Variants in TTC39B observed in about 807,000 individuals in gnomAD.
The protein encoded by TTC39B is tetratricopeptide repeat domain 39B.
Under a neutral mutation model 96.6 loss-of-function variants are expected in TTC39B, and 92 were observed. The ratio of observed to expected loss-of-function variants is 0.95; its 90% CI spans 0.80 to 1.13. TTC39B has a LOEUF of 1.13. Among genes scored for constraint, TTC39B ranks in the 50% most tolerant of loss-of-function variants. TTC39B has a pLI of 0.00. For synonymous variants in TTC39B, 367 were observed against 299.4 expected, an observed-to-expected ratio of 1.23 and a Z score of -2.33; for missense variants, 955 against 809.3, an observed-to-expected ratio of 1.18 and a Z score of -2.18.
chr9:15,265,564 T>C (rs1006897720), intron 2 of TTC39B, among the ~76,000 whole-genome samples: 1 of 152,200 alleles, frequency 6.6e-6, no homozygotes, highest in African/African-American at 2.4e-5. Context: ...GATTTCTGAA[T>C]GGCGATCACT....
chr9:15,182,524 G>A, intron 16 of TTC39B, 109 bp from the exon 17 acceptor site: 2 of 654,376 alleles, frequency 3.1e-6, no homozygotes, highest in Admixed American at 3.3e-5. Context: ...GGAACCTCAG[G>A]ACAATATTTA....
intron 8 of TTC39B, among the ~76,000 whole-genome samples, chr9:15,195,177 G>A (rs111872906): frequency 0.011 from 1,678 of 152,248 alleles, 32 homozygotes; most frequent in African/African-American, 0.038. Flanking sequence ...AAACAGCCCT[G>A]TTGCTGATAT....
intron 1 of TTC39B, among the ~76,000 whole-genome samples, chr9:15,278,032 C>G (rs1823612279): frequency 6.6e-6 from 1 of 152,148 alleles, no homozygotes; most frequent in South Asian, 2.1e-4. Context: ...TATAGCATTG[C>G]TTTAGTTTCT....
At chr9:15,200,002 G>T in intron 7 of TTC39B, 77 bp from the exon 8 acceptor site, 4 of 764,784 alleles carry the variant, frequency 5.2e-6, no homozygotes, top group Non-Finnish European at 8.2e-6. Context: ...GTGTTTGTGT[G>T]ATTAGAAAAA....
chr9:15,188,254 AATATGATG>A, intron 13 of TTC39B, 122 bp from the exon 14 acceptor site: 1 of 917,112 alleles, frequency 1.1e-6, no homozygotes, highest in Non-Finnish European at 1.6e-6. Context: ...TAAACCTCTC[AATATGATG>A]ATATGTTCTT....
chr9:15,207,169 C>T (rs991832893), intron 6 of TTC39B, among the ~76,000 whole-genome samples: 5 of 152,158 alleles, frequency 3.3e-5, no homozygotes, highest in African/African-American at 1.2e-4. Flanking sequence ...TTATAAATTA[C>T]CCAGTCCTGG....
At chr9:15,180,286 T>C (rs948324795) in intron 17 of TTC39B, among the ~76,000 whole-genome samples, 2 of 152,240 alleles carry the variant, frequency 1.3e-5, no homozygotes, top group African/African-American at 4.8e-5. Context: ...AGTATCACTT[T>C]CCCTTTTACA....
At chr9:15,208,185 T>C (rs1199582434) in intron 6 of TTC39B, among the ~76,000 whole-genome samples, 2 of 151,380 alleles carry the variant, frequency 1.3e-5, no homozygotes, top group African/African-American at 4.9e-5. Flanking sequence ...CCACCATGCC[T>C]GGCTAATTTT....
chr9:15,189,978 A>C (rs1350494002), intron 11 of TTC39B, among the ~76,000 whole-genome samples, 186 bp from the exon 12 acceptor site: 1 of 152,242 alleles, frequency 6.6e-6, no homozygotes, highest in Non-Finnish European at 1.5e-5. Context: ...AGTTTAAGAA[A>C]GCTCTAGGAC....
At position 15,245,759 on chromosome 9, in the gene TTC39B, C is replaced by T. The variant is rs185739150; in HGVS notation, c.276-19747G>A. Among the ~76,000 whole-genome samples the T allele has an allele frequency of 3.2e-3, 480 of 152,220 alleles. 4 individuals carry two copies. Among genetic ancestry groups the T allele is most frequent in the African/African-American group, 0.011 (444 of 41,544 alleles). ...TAACCCATTAATCTAAAATGATCAC[C>T]GAAGAAATCCATCCATACCACTTGG... On this transcript the variant is annotated intron_variant, in intron 2 of 19. Transcript: ENST00000512701.
At chr9:15,169,697 G>C (rs1817592545) in exon 20 of TTC39B, 1 of 152,100 alleles carries the variant, frequency 6.6e-6, no homozygotes, top group South Asian at 2.1e-4. Context: ...AGTACTAAAA[G>C]ATCCACTGGA....
At chr9:15,201,854 C>CA (rs1447667051) in intron 7 of TTC39B, among the ~76,000 whole-genome samples, 2 of 152,162 alleles carry the variant, frequency 1.3e-5, no homozygotes, top group Non-Finnish European at 2.9e-5. Context: ...CTGCCATACT[C>CA]AATCAATCAG....
chr9:15,177,073 A>C (rs968513351), intron 18 of TTC39B, among the ~76,000 whole-genome samples: 1 of 152,322 alleles, frequency 6.6e-6, no homozygotes, highest in East Asian at 1.9e-4. Flanking sequence ...AAGTCTGTTT[A>C]CTCAGCTCTG....
chr9:15,218,451 TAACA>T (rs1006276489), intron 3 of TTC39B, among the ~76,000 whole-genome samples: 2 of 151,986 alleles, frequency 1.3e-5, no homozygotes, highest in Non-Finnish European at 2.9e-5. Flanking sequence ...CTATGCAAGT[TAACA>T]ACCATGTCTA....
At chr9:15,268,098 T>G (rs371887247) in intron 1 of TTC39B, 150 bp from the exon 2 acceptor site, 1 of 594,612 alleles carries the variant, frequency 1.7e-6, no homozygotes, top group African/African-American at 1.9e-5. Flanking sequence ...TTAACGCTTA[T>G]GGAATTCTGT....
chr9:15,172,020 C>A, exon 20 of TTC39B: 1 of 1,610,494 alleles, frequency 6.2e-7, no homozygotes, highest in South Asian at 1.1e-5. Context: ...AAGTTCTGAT[C>A]AATCTGAGGA....
chr9:15,172,260 G>C (rs191955878), intron 19 of TTC39B, 151 bp from the exon 20 acceptor site: 11 of 482,372 alleles, frequency 2.3e-5, no homozygotes, highest in Admixed American at 3.8e-5. Flanking sequence ...TTCTGGTTCT[G>C]TTGGGGGGTT....
At chr9:15,302,880 G>C (rs539541889) in intron 1 of TTC39B, among the ~76,000 whole-genome samples, 1 of 147,030 alleles carries the variant, frequency 6.8e-6, no homozygotes, top group Admixed American at 6.8e-5. Context: ...AAAAAGCTAT[G>C]AACATTTGGC....
chr9:15,298,822 ACT>A (rs1824476349), intron 1 of TTC39B, among the ~76,000 whole-genome samples: 1 of 151,606 alleles, frequency 6.6e-6, no homozygotes, highest in African/African-American at 2.4e-5. Flanking sequence ...GATTCCTGAC[ACT>A]CCACCTGTCC....
Sources: allele counts gnomAD v4.1 joint callset (sites outside exome capture counted in the v4.1 genomes callset), GRCh38; gene constraint gnomAD v4.1.1; transcripts MANE v1.5; gene names NCBI Gene and HGNC (gene_info 2026-07-23, HGNC 2026-07-21).